The following PCLO variants were observed in gnomAD, a reference collection of about 807,000 sequenced individuals.
PCLO encodes the protein piccolo presynaptic cytomatrix protein, also known as protein piccolo.
Under a neutral mutation model 427.5 loss-of-function variants are expected in PCLO, and 82 were observed. That is an observed-to-expected ratio of 0.19 (90% CI 0.16 to 0.23). PCLO has a LOEUF of 0.23. Ranked by LOEUF, PCLO falls within the 10% of genes least tolerant of loss-of-function variation. The pLI is 1.00. For missense variants in PCLO, 6,239 were observed against 6,115.9 expected (o/e 1.02, Z -0.67); for synonymous variants, 2,357 against 2,155.4 (o/e 1.09, Z -2.59).
intron 5 of PCLO, 128 bp downstream of exon 5, chr7:82,951,728 T>A (rs1002555641): frequency 1.5e-6 from 2 of 1,354,612 alleles, no homozygotes; most frequent in African/African-American, 2.9e-5. Context: ...CAAAATATGC[T>A]GCTATAACAT....
intron 2 of PCLO, among the ~76,000 whole-genome samples, chr7:83,148,781 T>C (rs1448667073): frequency 6.6e-6 from 1 of 152,240 alleles, no homozygotes; most frequent in Non-Finnish European, 1.5e-5. Context: ...ATTCATGCCA[T>C]GTTATTGCTA....
chr7:83,037,999 A>T (rs1436178609), intron 3 of PCLO, among the ~76,000 whole-genome samples: 1 of 24,626 alleles, frequency 4.1e-5, no homozygotes, highest in Non-Finnish European at 6.4e-5. Context: ...TTATATATAT[A>T]TATATATATA....
In PCLO at chr7:82,916,796, C is replaced by T. The variant is rs564389310; in HGVS notation, c.11190G>A (p.Glu3730=). The part of the protein sequence containing the change: ...VKRTLPNPPP[E]EISTGTQSTF... ...TGGATTGAGTTCCTGTGGAAATCTC[C>T]TCAGGAGGTGGATTTGGCAGAGTTC... Residue 3730 remains glutamate, a synonymous_variant, in exon 7 of 25, where the codon GAG becomes GAA. Transcript: ENST00000333891. 147 of 1,613,568 alleles carry T rather than the reference C, an allele frequency of 9.1e-5. 3 individuals carry two copies. The South Asian group carries it at 1.4e-3, about 15-fold the overall frequency.
At chr7:83,070,204 C>T (rs958670608) in intron 3 of PCLO, among the ~76,000 whole-genome samples, 3 of 152,076 alleles carry the variant, frequency 2.0e-5, no homozygotes, top group Non-Finnish European at 4.4e-5. Context: ...CTTGTGCCAA[C>T]AGTAATGTCA....
intron 16 of PCLO, 50 bp downstream of exon 16, chr7:82,835,617 A>G (rs1183230726): frequency 1.3e-6 from 2 of 1,512,990 alleles, no homozygotes; most frequent in African/African-American, 2.8e-5. Flanking sequence ...CCAAAAGTAT[A>G]ATTCAAGACA....
rs1421907530 is a variant in PCLO at position 83,155,382 on chromosome 7, G to C, written c.1259C>G (p.Pro420Arg). Reference protein sequence around the residue: ...PPTQQVGTPKPLAQQPGLQSP... With the variant: ...PPTQQVGTPKRLAQQPGLQSP... ...CTGTAGCCCAGGTTGTTGAGCTAGG[G>C]GTTTTGGTGTCCCCACCTGCTGGGT... Residue 420 changes from proline to arginine, a missense_variant, in exon 2 of 25, where the codon CCC becomes CGC. Transcript: ENST00000333891. 6.2e-7 allele frequency: 1 copy of C among 1,613,778 alleles called. No individual in the cohort carries two copies. The highest frequency in any genetic ancestry group is 1.3e-5 in the African/African-American group (1 of 74,914).
In PCLO at chr7:82,755,415, G is replaced by A. The variant is rs1483543167; in HGVS notation, c.*3160C>T. ...AGAAAACACCAACTTCGTGCTACTA[G>A]GGTTATTTGTGTCTGTAATGACTAT... is the stretch of plus-strand genomic sequence containing the variant. On this transcript the variant is annotated 3_prime_UTR_variant, in exon 25 of 25. Transcript: ENST00000333891. The A allele has an allele frequency of 2.0e-5, 3 of 152,022 alleles. No individual in the cohort carries two copies. Among genetic ancestry groups the A allele is most frequent in the African/African-American group, 7.2e-5 (3 of 41,386 alleles). 9.4% of individuals were successfully genotyped at this position (152,022 alleles called of 1,614,324 possible). A position where few individuals can be genotyped will look rare whatever the true frequency, so the allele number is the denominator to read the frequency against.
Position 82,951,234 on chromosome 7 carries a change from C to T in PCLO, c.9354G>A (p.Leu3118=). The change falls in exon 6 of 25, where the codon TTG becomes TTA. Residue 3118 remains leucine, a synonymous_variant. Coordinates refer to ENST00000333891, the MANE Select transcript of PCLO (RefSeq NM_033026.6). ...CTGCATCAGCCGTATGAATACCAGA[C>T]AAATCCCTCACTGTGGTGCTGAAAA... The part of the protein sequence containing the change: ...GSIFSTTVRD[L]SGIHTADAVT... 2 of 1,613,644 alleles carry T rather than the reference C, an allele frequency of 1.2e-6. No homozygotes were observed. The highest frequency in any genetic ancestry group is 1.3e-5 in the African/African-American group (1 of 75,030).
chr7:82,967,380 G>A (rs1795803799), intron 3 of PCLO, among the ~76,000 whole-genome samples: 1 of 151,784 alleles, frequency 6.6e-6, no homozygotes. Context: ...TCTCCATGTT[G>A]GTCAGGCTGG....
At chr7:82,879,623 G>T (rs7801161) in intron 9 of PCLO, among the ~76,000 whole-genome samples, 161 bp from the exon 10 acceptor site, 1 of 152,012 alleles carries the variant, frequency 6.6e-6, no homozygotes, top group Admixed American at 6.6e-5. Context: ...TTCTGATTTT[G>T]ATAATATAAA....
chr7:83,017,874 G>A (rs1026444088), intron 3 of PCLO: 2 of 151,934 alleles, frequency 1.3e-5, no homozygotes, highest in African/African-American at 4.8e-5. Context: ...TAAGAAAGAA[G>A]TTAAAATAAA....
chr7:82,926,126 G>A (rs6950697), intron 6 of PCLO, among the ~76,000 whole-genome samples: 8,966 of 152,162 alleles, frequency 0.059, 852 homozygotes, highest in African/African-American at 0.2. Flanking sequence ...TGAATAAAAT[G>A]TTTAAAATCC....
At chr7:82,989,773 C>A (rs1159332382) in intron 3 of PCLO, among the ~76,000 whole-genome samples, 10 of 152,034 alleles carry the variant, frequency 6.6e-5, no homozygotes, top group Admixed American at 6.6e-4. Context: ...CTTCTCCTTT[C>A]CCTTTATTTC....
chr7:82,985,702 T>C (rs1162351586), intron 3 of PCLO, among the ~76,000 whole-genome samples: 2 of 151,962 alleles, frequency 1.3e-5, no homozygotes, highest in African/African-American at 4.8e-5. Context: ...AAAAATATTA[T>C]AGATCAAATA....
chr7:82,884,847 G>A (rs894897656), intron 9 of PCLO, among the ~76,000 whole-genome samples: 2 of 151,946 alleles, frequency 1.3e-5, no homozygotes, highest in African/African-American at 4.8e-5. Context: ...GAAACTCTAC[G>A]ATGATGGAAA....
At chr7:82,957,651 ATCAGT>A (rs1430742530) in intron 4 of PCLO, among the ~76,000 whole-genome samples, 1 of 152,236 alleles carries the variant, frequency 6.6e-6, no homozygotes, top group Non-Finnish European at 1.5e-5. Flanking sequence ...GGTCTGACTC[ATCAGT>A]TCAGTTAAAG....
chr7:82,824,722 ACTT>A (rs1267605863), intron 18 of PCLO, among the ~76,000 whole-genome samples: 3 of 151,618 alleles, frequency 2.0e-5, no homozygotes, highest in African/African-American at 4.9e-5. Flanking sequence ...ATAAAACAAA[ACTT>A]CTTTTTGTTG....
intron 8 of PCLO, among the ~76,000 whole-genome samples, chr7:82,905,639 G>T (rs1003979498): frequency 2.0e-5 from 3 of 151,990 alleles, no homozygotes; most frequent in African/African-American, 7.2e-5. Flanking sequence ...TCATGGGGCA[G>T]TTACATGGAC....
chr7:83,065,339 C>T (rs929710990), intron 3 of PCLO, among the ~76,000 whole-genome samples: 1 of 151,650 alleles, frequency 6.6e-6, no homozygotes, highest in East Asian at 1.9e-4. Flanking sequence ...ATAATTTTTT[C>T]TTAATTGTAT....
Sources: allele counts gnomAD v4.1 joint callset (sites outside exome capture counted in the v4.1 genomes callset), GRCh38; gene constraint gnomAD v4.1.1; transcripts MANE v1.5; gene names NCBI Gene and HGNC (gene_info 2026-07-23, HGNC 2026-07-21).